The following EYA4 variants were observed in gnomAD, a reference collection of about 807,000 sequenced individuals.
EYA4 encodes EYA transcriptional coactivator and phosphatase 4.
A neutral mutation model predicts 87.9 loss-of-function variants in EYA4; 31 were observed. The ratio of observed to expected loss-of-function variants is 0.35; its 90% CI spans 0.27 to 0.48. The LOEUF (loss-of-function observed/expected upper bound fraction) is 0.48. EYA4 is among the 20% of genes least tolerant of loss of function. The pLI is 0.99. For missense variants in EYA4, 678 were observed against 761.4 expected (o/e 0.89, Z 1.29); for synonymous variants, 263 against 270.6 (o/e 0.97, Z 0.28).
intron 2 of EYA4, among the ~76,000 whole-genome samples, chr6:133,321,988 G>T (rs956353428): frequency 6.6e-6 from 1 of 152,276 alleles, no homozygotes; most frequent in East Asian, 1.9e-4. Flanking sequence ...ATATTTAAAA[G>T]ATATCAGTTA....
At chr6:133,318,969 G>C (rs1780837591) in intron 2 of EYA4, among the ~76,000 whole-genome samples, 1 of 152,202 alleles carries the variant, frequency 6.6e-6, no homozygotes, top group Admixed American at 6.5e-5. Flanking sequence ...TCCAAGCAGT[G>C]AATCTGGTTA....
chr6:133,405,695 C>A (rs73561714), intron 3 of EYA4, among the ~76,000 whole-genome samples: 103 of 151,828 alleles, frequency 6.8e-4, no homozygotes, highest in African/African-American at 2.4e-3. Context: ...TGGAGAGAGG[C>A]AAGCAATAAT....
intron 2 of EYA4, among the ~76,000 whole-genome samples, chr6:133,322,302 G>A (rs1454676485): frequency 1.3e-5 from 2 of 152,188 alleles, no homozygotes; most frequent in Admixed American, 1.3e-4. Flanking sequence ...GTAGAATTGT[G>A]TAGTCGTTGT....
At chr6:133,300,514 T>TATC (rs1779321520) in intron 2 of EYA4, among the ~76,000 whole-genome samples, 2 of 151,786 alleles carry the variant, frequency 1.3e-5, no homozygotes, top group African/African-American at 4.8e-5. Context: ...TTGTTGTTGT[T>TATC]ATTATTATTA....
chr6:133,351,034 G>A (rs1783601418), intron 2 of EYA4, among the ~76,000 whole-genome samples: 1 of 151,190 alleles, frequency 6.6e-6, no homozygotes, highest in African/African-American at 2.5e-5. Flanking sequence ...AGGAGATGCT[G>A]GATATTTGGC....
At chr6:133,451,345 G>T (rs1793422195) in intron 5 of EYA4, among the ~76,000 whole-genome samples, 1 of 152,148 alleles carries the variant, frequency 6.6e-6, no homozygotes. Context: ...TCCTGATATA[G>T]ATCTATATGT....
intron 2 of EYA4, among the ~76,000 whole-genome samples, chr6:133,285,278 G>C (rs763889384): frequency 6.6e-6 from 1 of 152,150 alleles, no homozygotes; most frequent in Non-Finnish European, 1.5e-5. Context: ...TTGGAGAGTA[G>C]TTAGGGAGGC....
At chr6:133,497,641 C>T (rs3777871) in intron 13 of EYA4, among the ~76,000 whole-genome samples, 13,847 of 152,170 alleles carry the variant, frequency 0.091, 1,232 homozygotes, top group East Asian at 0.26. Context: ...TCATCCATCA[C>T]GTTAGAGTTT....
chr6:133,285,607 G>C (rs1411166763), intron 2 of EYA4, among the ~76,000 whole-genome samples: 2 of 152,156 alleles, frequency 1.3e-5, no homozygotes, highest in Admixed American at 1.3e-4. Flanking sequence ...TTGAGCTTAG[G>C]TATTGTGTGA....
chr6:133,508,205 G>A (rs982472182), intron 14 of EYA4, among the ~76,000 whole-genome samples: 1 of 151,988 alleles, frequency 6.6e-6, no homozygotes, highest in African/African-American at 2.4e-5. Context: ...TGTTTAAAGC[G>A]GCATTCTTTT....
chr6:133,415,561 C>T (rs554301400), intron 3 of EYA4, among the ~76,000 whole-genome samples: 1 of 152,288 alleles, frequency 6.6e-6, no homozygotes, highest in African/African-American at 2.4e-5. Context: ...TTATGAGACA[C>T]ATGTGCCAAT....
At chr6:133,492,688 A>G (rs1797292946) in intron 13 of EYA4, among the ~76,000 whole-genome samples, 1 of 152,112 alleles carries the variant, frequency 6.6e-6, no homozygotes, top group Non-Finnish European at 1.5e-5. Context: ...AGATGATATA[A>G]TCTTATTTTT....
At chr6:133,507,842 A>G in intron 14 of EYA4, among the ~76,000 whole-genome samples, 1 of 152,104 alleles carries the variant, frequency 6.6e-6, no homozygotes, top group Non-Finnish European at 1.5e-5. Context: ...ATACATGTGC[A>G]TGTGTCTTTA....
chr6:133,474,738 T>C (rs1795576637), intron 11 of EYA4, among the ~76,000 whole-genome samples: 1 of 152,132 alleles, frequency 6.6e-6, no homozygotes, highest in South Asian at 2.1e-4. Context: ...CAAACAAGTT[T>C]ATAACTATGG....
intron 10 of EYA4, among the ~76,000 whole-genome samples, chr6:133,465,790 A>G (rs74977156): frequency 6.6e-6 from 1 of 152,128 alleles, no homozygotes; most frequent in African/African-American, 2.4e-5. Flanking sequence ...AATTTTATCA[A>G]TTGCTTTATT....
intron 2 of EYA4, among the ~76,000 whole-genome samples, chr6:133,308,046 G>A (rs9483573): frequency 0.14 from 21,029 of 152,012 alleles, 1,687 homozygotes; most frequent in African/African-American, 0.22. Flanking sequence ...CTTGCCTGCT[G>A]CCATGTAAGA....
At chr6:133,485,263 G>C (rs1796590758) in intron 13 of EYA4, among the ~76,000 whole-genome samples, 1 of 152,090 alleles carries the variant, frequency 6.6e-6, no homozygotes, top group Non-Finnish European at 1.5e-5. Context: ...ATTCAAAATA[G>C]AGACTCTCTA....
intron 1 of EYA4, among the ~76,000 whole-genome samples, chr6:133,245,701 A>G (rs148880141): frequency 5.8e-4 from 89 of 152,324 alleles, no homozygotes; most frequent in Middle Eastern, 3.4e-3. Flanking sequence ...AATGAAGGGG[A>G]CACTGCATAG....
chr6:133,255,298 A>G (rs1440512530), intron 1 of EYA4, among the ~76,000 whole-genome samples: 1 of 152,162 alleles, frequency 6.6e-6, no homozygotes, highest in Non-Finnish European at 1.5e-5. Context: ...TGTATAACAT[A>G]TTAAAACAGA....
Sources: allele counts gnomAD v4.1 joint callset (sites outside exome capture counted in the v4.1 genomes callset), GRCh38; gene constraint gnomAD v4.1.1; transcripts MANE v1.5; gene names NCBI Gene and HGNC (gene_info 2026-07-23, HGNC 2026-07-21).